The following NPAS3 variants were observed in gnomAD, a reference collection of about 807,000 sequenced individuals.
NPAS3 encodes neuronal PAS domain-containing protein 3.
Under a neutral mutation model 73.1 loss-of-function variants are expected in NPAS3, and 14 were observed. The observed-to-expected ratio is 0.19, with a 90% confidence interval of 0.13 to 0.30. The LOEUF (loss-of-function observed/expected upper bound fraction) is 0.30. Among genes scored for constraint, NPAS3 ranks in the 10% least tolerant of loss-of-function variants. The pLI is 1.00. For missense variants in NPAS3, 1,096 were observed against 1,250.0 expected, an observed-to-expected ratio of 0.88 and a Z score of 1.86; for synonymous variants, 620 against 541.5, an observed-to-expected ratio of 1.14 and a Z score of -2.01.
intron 5 of NPAS3, among the ~76,000 whole-genome samples, chr14:33,563,169 C>G (rs36016781): frequency 5.3e-5 from 8 of 152,158 alleles, no homozygotes; most frequent in Non-Finnish European, 1.2e-4. Context: ...TGCTAACTCT[C>G]AAGATATCCC....
intron 1 of NPAS3, among the ~76,000 whole-genome samples, chr14:33,055,479 G>T (rs891991191): frequency 6.6e-6 from 1 of 152,144 alleles, no homozygotes; most frequent in Non-Finnish European, 1.5e-5. Context: ...CTCGACCAAG[G>T]TTTTATAGCT....
intron 1 of NPAS3, among the ~76,000 whole-genome samples, chr14:32,953,520 A>G (rs959970124): frequency 3.3e-5 from 5 of 152,200 alleles, no homozygotes; most frequent in Non-Finnish European, 7.3e-5. Flanking sequence ...CTACTGAAAC[A>G]GCATCTTCAT....
At chr14:33,709,361 C>T (rs771554602) in intron 6 of NPAS3, among the ~76,000 whole-genome samples, 1 of 152,146 alleles carries the variant, frequency 6.6e-6, no homozygotes, top group Non-Finnish European at 1.5e-5. Flanking sequence ...TGAATAATAT[C>T]ACAGGATGCC....
intron 2 of NPAS3, among the ~76,000 whole-genome samples, chr14:33,187,998 C>T (rs890326435): frequency 3.3e-5 from 5 of 152,114 alleles, no homozygotes; most frequent in African/African-American, 9.7e-5. Flanking sequence ...AATGCAAAAG[C>T]TGAAGCACAG....
intron 5 of NPAS3, among the ~76,000 whole-genome samples, chr14:33,621,103 C>G (rs567678801): frequency 6.6e-6 from 1 of 152,116 alleles, no homozygotes; most frequent in South Asian, 2.1e-4. Context: ...GACAAACTTT[C>G]TAACTGCAAT....
At chr14:33,612,233 C>G (rs1033219249) in intron 5 of NPAS3, among the ~76,000 whole-genome samples, 2 of 152,186 alleles carry the variant, frequency 1.3e-5, no homozygotes, top group Non-Finnish European at 2.9e-5. Flanking sequence ...GAAAAAACAG[C>G]TCTTGTTGAA....
intron 5 of NPAS3, among the ~76,000 whole-genome samples, chr14:33,633,770 G>A (rs756353138): frequency 3.9e-5 from 6 of 152,042 alleles, no homozygotes; most frequent in Non-Finnish European, 5.9e-5. Context: ...ACTTGAGCCC[G>A]GGAGAGTGAG....
chr14:33,483,729 C>G (rs993795090), intron 4 of NPAS3, among the ~76,000 whole-genome samples: 1 of 152,202 alleles, frequency 6.6e-6, no homozygotes, highest in South Asian at 2.1e-4. Flanking sequence ...ACATGCTTTT[C>G]TGTCATCAGG....
At chr14:33,764,140 G>A (rs1328600247) in intron 7 of NPAS3, among the ~76,000 whole-genome samples, 3 of 152,192 alleles carry the variant, frequency 2.0e-5, no homozygotes, top group African/African-American at 7.2e-5. Context: ...AGCCCTTGAA[G>A]TTAAATGGGG....
At chr14:33,324,636 AT>A in intron 3 of NPAS3, among the ~76,000 whole-genome samples, 1 of 152,292 alleles carries the variant, frequency 6.6e-6, no homozygotes, top group Middle Eastern at 3.4e-3. Flanking sequence ...GCGATAGAAA[AT>A]AATAGAGATT....
intron 4 of NPAS3, among the ~76,000 whole-genome samples, chr14:33,498,935 AGTGTGTGTGTGTGTGTGTGTGT>A (rs3058422): frequency 1.3e-4 from 12 of 94,902 alleles, no homozygotes; most frequent in Non-Finnish European, 2.4e-4. Flanking sequence ...ACAGAGAGAG[AGTGTGTGTGTGTGTGTGTGTGT>A]GTGTGTGTGT....
intron 4 of NPAS3, among the ~76,000 whole-genome samples, chr14:33,414,297 T>C (rs1337336957): frequency 2.6e-5 from 4 of 152,052 alleles, no homozygotes; most frequent in Non-Finnish European, 4.4e-5. Context: ...AAGAGTTCAG[T>C]TGGTGGGGAA....
intron 3 of NPAS3, among the ~76,000 whole-genome samples, chr14:33,351,606 A>G (rs1273208075): frequency 2.0e-5 from 3 of 152,244 alleles, no homozygotes; most frequent in Non-Finnish European, 4.4e-5. Flanking sequence ...CGTAAGTGTA[A>G]GAAAGCAACC....
At chr14:33,346,785 A>G (rs921381658) in intron 3 of NPAS3, among the ~76,000 whole-genome samples, 4 of 152,158 alleles carry the variant, frequency 2.6e-5, no homozygotes, top group Non-Finnish European at 5.9e-5. Context: ...GTTCCTGGGA[A>G]CAGGATGCCT....
At chr14:33,070,642 T>C (rs2041453943) in intron 2 of NPAS3, among the ~76,000 whole-genome samples, 1 of 152,224 alleles carries the variant, frequency 6.6e-6, no homozygotes, top group South Asian at 2.1e-4. Flanking sequence ...TCACTCATGA[T>C]CATAGCACAT....
intron 2 of NPAS3, among the ~76,000 whole-genome samples, chr14:33,179,881 T>G (rs891521445): frequency 2.0e-5 from 3 of 152,230 alleles, no homozygotes; most frequent in African/African-American, 7.2e-5. Context: ...TGAGGCATTT[T>G]AGAGGTCACC....
intron 4 of NPAS3, among the ~76,000 whole-genome samples, chr14:33,397,418 C>A (rs1048689022): frequency 2.0e-5 from 3 of 151,968 alleles, no homozygotes; most frequent in Non-Finnish European, 4.4e-5. Context: ...TGCCCCAAGT[C>A]CCACAGTTAC....
intron 5 of NPAS3, among the ~76,000 whole-genome samples, chr14:33,614,445 T>C (rs1384846639): frequency 6.6e-6 from 1 of 152,204 alleles, no homozygotes; most frequent in East Asian, 1.9e-4. Flanking sequence ...TTCTTCTTGC[T>C]ACCTTAGTGG....
At chr14:33,161,579 A>G (rs2044886000) in intron 2 of NPAS3, among the ~76,000 whole-genome samples, 2 of 152,196 alleles carry the variant, frequency 1.3e-5, no homozygotes, top group African/African-American at 4.8e-5. Context: ...TGTTTCAAAT[A>G]CTGGTTCTGT....
Sources: gnomAD v4.1 joint callset for allele counts (sites outside exome capture counted in the v4.1 genomes callset) on GRCh38, gnomAD v4.1.1 for gene constraint, MANE v1.5 for transcripts, NCBI Gene and HGNC (gene_info 2026-07-23, HGNC 2026-07-21) for gene names.